KRT23: variants seen among roughly 807,000 people sequenced by gnomAD.
KRT23 encodes the protein keratin 23.
In KRT23, 38 loss-of-function variants were observed where a neutral mutation model predicts 47.6. The ratio of observed to expected loss-of-function variants is 0.80; its 90% CI spans 0.62 to 1.05. The LOEUF (loss-of-function observed/expected upper bound fraction) is 1.05, where lower values mean the gene tolerates loss of function less well. KRT23 is among the 50% of genes least tolerant of loss of function. KRT23 has a pLI of 0.00. For synonymous variants in KRT23, 191 were observed against 199.0 expected, an observed-to-expected ratio of 0.96 and a Z score of 0.34; for missense variants, 503 against 529.5, an observed-to-expected ratio of 0.95 and a Z score of 0.49.
intron 2 of KRT23, among the ~76,000 whole-genome samples, chr17:40,934,458 G>T (rs1452236620): frequency 6.6e-6 from 1 of 152,148 alleles, no homozygotes; most frequent in Non-Finnish European, 1.5e-5. Context: ...TCTCAATTCT[G>T]TTCCAAAGGA....
rs750245687 is a variant in KRT23, at chr17:40,936,330, C to A, written c.274G>T (p.Ala92Ser). 3 of 1,614,230 alleles carry A rather than the reference C, an allele frequency of 1.9e-6. No homozygotes were observed. The highest frequency in any genetic ancestry group is 2.2e-5 in the East Asian group (1 of 44,880). ...RLASYLEKVR[A>S]LEEANMKLES... is the part of the protein sequence containing the mutation. ...AGCTTCATGTTGGCCTCCTCCAGGG[C>A]GCGAACCTTCTCCAGGTAGGAGGCC... The change falls in exon 2 of 9, where the codon GCC (alanine) becomes TCC (serine). Residue 92 changes from alanine (A) to serine (S), a missense_variant. Ala to Ser is a moderately conservative substitution (Grantham distance 99). Transcript: ENST00000209718.
intron 6 of KRT23, among the ~76,000 whole-genome samples, chr17:40,926,517 A>G (rs549880599): frequency 1.3e-5 from 2 of 151,960 alleles, no homozygotes; most frequent in East Asian, 3.9e-4. Context: ...TGCTCCCTAC[A>G]TTGCTCCCAG....
chr17:40,926,057 A>G (rs1487607818), intron 6 of KRT23, among the ~76,000 whole-genome samples: 1 of 152,104 alleles, frequency 6.6e-6, no homozygotes, highest in Non-Finnish European at 1.5e-5. Flanking sequence ...AACTAAACTG[A>G]GTATTCTATA....
At position 40,936,485 on chromosome 17, in the gene KRT23, C is replaced by A; in HGVS notation, c.119G>T (p.Gly40Val). 1 of 1,565,244 alleles carries A rather than the reference C, an allele frequency of 6.4e-7. No individual in the cohort carries two copies. Among genetic ancestry groups the A allele is most frequent in the Non-Finnish European group, 8.7e-7 (1 of 1,155,664 alleles). The change falls in exon 2 of 9, where the codon GGA becomes GTA. Residue 40 changes from glycine (G) to valine (V), a missense_variant. Physicochemically the swap from Gly to Val is moderately radical, Grantham distance 109. Transcript: ENST00000209718. ...GGTGAAGGACAGGGAGATGCGGGCT[C>A]CCCCCGCACCGCCATGGACGGTGGG... is the stretch of plus-strand genomic sequence containing the variant. ...RAPTVHGGAGGARISLSFTTR... is the reference protein window; with the variant it reads ...RAPTVHGGAGVARISLSFTTR...
chr17:40,936,611 T>TGGTCCCAC lies in KRT23; in HGVS notation c.-9_-8insGTGGGACC. Reference sequence around the variant, plus strand: ...GCTGTGTCCGGAGTTCATGGTCCCATCTGTGTTTGGGACGGGGCTGAGCTC... The same window carrying TGGTCCCAC: ...GCTGTGTCCGGAGTTCATGGTCCCATGGTCCCACCTGTGTTTGGGACGGGGCTGAGCTC... On this transcript the variant is annotated 5_prime_UTR_variant, in exon 2 of 9. Coordinates refer to ENST00000209718, the MANE Select transcript of KRT23 (RefSeq NM_015515.5). 6.6e-7 allele frequency: 1 copy of TGGTCCCAC among 1,512,002 alleles called. No homozygotes were observed. The highest frequency in any genetic ancestry group is 1.4e-5 in the African/African-American group (1 of 71,616). The allele number at this position is 1,512,002 out of a possible 1,614,324, so 93.7% of individuals were successfully genotyped here.
At chr17:40,932,079 A>AT (rs577590769) in intron 2 of KRT23, among the ~76,000 whole-genome samples, 60 of 149,146 alleles carry the variant, frequency 4.0e-4, no homozygotes, top group East Asian at 9.8e-4. Context: ...CACAGAACAC[A>AT]TTTTTTTTTT....
At chr17:40,930,422 A>G (rs1320465231) in intron 3 of KRT23, among the ~76,000 whole-genome samples, 1 of 152,220 alleles carries the variant, frequency 6.6e-6, no homozygotes, top group Non-Finnish European at 1.5e-5. Flanking sequence ...AGATGTGATG[A>G]CATTTTAAGA....
In KRT23 at chr17:40,925,362, C is replaced by G. The variant is rs141079166; in HGVS notation, c.1134G>C (p.Glu378Asp). The G allele has an allele frequency of 6.0e-4, 961 of 1,613,160 alleles. 3 individuals carry two copies. Among genetic ancestry groups the G allele is most frequent in the South Asian group, 4.4e-3 (401 of 91,008 alleles). ...ITTYRRLLEG[E>D]SEGTREESKS... is the part of the protein sequence containing the mutation. ...GCCAGCCTTTGCCTTACCCTTCACT[C>G]TCTCCCTCCAGGAGCCGTCGGTACG... Residue 378 changes from glutamate (E) to aspartate (D), a missense_variant, in exon 7 of 9, where the codon GAG becomes GAC. Transcript: ENST00000209718.
chr17:40,929,922 G>A lies in KRT23; in HGVS notation c.636+18C>T, dbSNP rs1047703209. On this transcript the variant is annotated intron_variant, in intron 4 of 8. Transcript: ENST00000209718. ...CTAAGAGCTGTGCTTATTAGCAGGT[G>A]TTCCTGGGGAGTTGTACCTGCTCAT... The A allele has an allele frequency of 1.2e-6, 2 of 1,611,944 alleles. No homozygotes were observed. Among genetic ancestry groups the A allele is most frequent in the Non-Finnish European group, 1.7e-6 (2 of 1,178,936 alleles).
chr17:40,927,456 C>T (rs1363317406), intron 6 of KRT23, among the ~76,000 whole-genome samples: 1 of 152,190 alleles, frequency 6.6e-6, no homozygotes, highest in East Asian at 1.9e-4. Flanking sequence ...GCATAAAACA[C>T]AGCAGTCATT....
At chr17:40,937,126 AC>A (rs1207785905) in intron 1 of KRT23, 173 bp from the exon 2 acceptor site, 1 of 152,420 alleles carries the variant, frequency 6.6e-6, no homozygotes, top group African/African-American at 2.4e-5. Context: ...AATAAGCCCC[AC>A]CTCTAAAGGG....
Position 40,936,416 on chromosome 17 carries a change from C to T in KRT23, c.188G>A (p.Arg63Lys), listed in dbSNP as rs143361626. Residue 63 changes from arginine to lysine, a missense_variant, in exon 2 of 9, where the codon AGA (arginine) becomes AAA (lysine). Arg to Lys is a conservative substitution (Grantham distance 26). Transcript: ENST00000209718. ...ATTTCCGCCTAGTAGGGGGCTGCTT[C>T]TTCCAGAACCCCAAGACCCTCCAGG... ...PPPGGSWGSG[R>K]SSPLLGGNGK... is the part of the protein sequence containing the mutation. 117 of 1,613,762 alleles carry T rather than the reference C, an allele frequency of 7.3e-5. No individual in the cohort carries two copies. The highest frequency in any genetic ancestry group is 1.6e-4 in the Middle Eastern group (1 of 6,082).
At chr17:40,925,002 T>A (rs1037608305) in intron 7 of KRT23, among the ~76,000 whole-genome samples, 6 of 152,224 alleles carry the variant, frequency 3.9e-5, no homozygotes, top group African/African-American at 1.4e-4. Context: ...CATCTTTTTT[T>A]TTTTTTCTCT....
intron 2 of KRT23, among the ~76,000 whole-genome samples, chr17:40,934,279 G>GTTTC (rs1909896854): frequency 1.3e-5 from 2 of 152,112 alleles, no homozygotes; most frequent in Non-Finnish European, 2.9e-5. Context: ...ACTTTAAAGA[G>GTTTC]TTTCTTTCTT....
At chr17:40,923,881 T>C (rs1909072941) in intron 8 of KRT23, among the ~76,000 whole-genome samples, 2 of 152,230 alleles carry the variant, frequency 1.3e-5, no homozygotes, top group South Asian at 4.1e-4. Context: ...TTCTGTGAGA[T>C]ATTAAAGGTA....
At chr17:40,930,588 A>T (rs1216934305) in intron 3 of KRT23, among the ~76,000 whole-genome samples, 1 of 151,930 alleles carries the variant, frequency 6.6e-6, no homozygotes, top group African/African-American at 2.4e-5. Flanking sequence ...ACATGGTGAA[A>T]CCCTGTTGCT....
At position 40,936,625 on chromosome 17, in the gene KRT23, G is replaced by C. The variant is rs765413526; in HGVS notation, c.-22C>G. The stretch of plus-strand genomic sequence containing the variant: ...TCATGGTCCCATCTGTGTTTGGGAC[G>C]GGGCTGAGCTCTGCTCCACTCCCTG... On this transcript the variant is annotated 5_prime_UTR_variant, in exon 2 of 9. Coordinates refer to ENST00000209718, the MANE Select transcript of KRT23 (RefSeq NM_015515.5). 4.0e-6 allele frequency: 6 copies of C among 1,504,418 alleles called. No individual in the cohort carries two copies. Among genetic ancestry groups the C allele is most frequent in the Non-Finnish European group, 5.3e-6 (6 of 1,129,094 alleles). The allele number at this position is 1,504,418 out of a possible 1,614,324, so 93.2% of individuals were successfully genotyped here.
At position 40,936,144 on chromosome 17, in the gene KRT23, T is replaced by C. The variant is rs12942368; in HGVS notation, c.396+64A>G. ...GGAAATTGTCTTCTGGACTCATTTT[T>C]CCTCCCGAGGGTCCCCTGGCAAAGC... On this transcript the variant is annotated intron_variant, in intron 2 of 8. Transcript: ENST00000209718. 3.0e-3 allele frequency: 4,739 copies of C among 1,580,222 alleles called. 133 individuals carry two copies. In the African/African-American group the frequency reaches 0.057, roughly 19 times the overall value.
intron 2 of KRT23, among the ~76,000 whole-genome samples, chr17:40,935,373 G>C (rs1401219774): frequency 6.6e-6 from 1 of 152,124 alleles, no homozygotes; most frequent in Non-Finnish European, 1.5e-5. Context: ...TTATATAAGA[G>C]GGGAGTTAGA....
Sources: gnomAD v4.1 joint callset for allele counts (sites outside exome capture counted in the v4.1 genomes callset) on GRCh38, gnomAD v4.1.1 for gene constraint, MANE v1.5 for transcripts, NCBI Gene and HGNC (gene_info 2026-07-23, HGNC 2026-07-21) for gene names.